ZNF460: variants seen among roughly 807,000 people sequenced by gnomAD.
The protein encoded by ZNF460 is zinc finger protein 272.
Under a neutral mutation model 8.4 loss-of-function variants are expected in ZNF460, and 1 was observed. The ratio of observed to expected loss-of-function variants is 0.12; its 90% confidence interval spans 0.04 to 0.56. ZNF460 has a LOEUF of 0.56. ZNF460 is among the 20% of genes least tolerant of loss of function. ZNF460 has a pLI of 0.91. For missense variants in ZNF460, 477 were observed against 714.8 expected, an observed-to-expected ratio of 0.67 and a Z score of 3.79; for synonymous variants, 262 against 259.9, an observed-to-expected ratio of 1.01 and a Z score of -0.08.
In ZNF460 at chr19:57,291,882, G is replaced by A. The variant is rs141075189; in HGVS notation, c.1341G>A (p.Pro447=). 95 of 1,613,662 alleles carry A rather than the reference G, an allele frequency of 5.9e-5. No homozygotes were observed. The highest frequency in any genetic ancestry group is 3.3e-4 in the Middle Eastern group (2 of 6,082). The change falls in exon 3 of 3, where the codon CCG becomes CCA. Residue 447 remains proline (P), a synonymous_variant. Coordinates refer to ENST00000360338, the MANE Select transcript of ZNF460 (RefSeq NM_006635.4). This position sits in a 1 kb window ranked among gnomAD's most constrained non-coding sequence, Gnocchi z 8.4. ...RHQWIHTGEK[P]YVCIQCGKAF... is the part of the protein sequence containing the mutation. ...AGTGGATTCATACTGGAGAGAAGCC[G>A]TATGTATGCATCCAATGTGGGAAAG...
rs752313169 is a variant in ZNF460 at position 57,291,510 on chromosome 19, C to A, written c.969C>A (p.Leu323=). The A allele has an allele frequency of 2.3e-5, 37 of 1,613,798 alleles. No homozygotes were observed. In the East Asian group the frequency reaches 8.2e-4, roughly 36 times the overall value. The change falls in exon 3 of 3, where the codon CTC becomes CTA. Residue 323 remains leucine, a synonymous_variant. Coordinates refer to ENST00000360338, the MANE Select transcript of ZNF460 (RefSeq NM_006635.4). The surrounding 1 kb of genome is among the most constrained non-coding windows in gnomAD (Gnocchi z 8.4). ...CGKGFYESTA[L]IQHFIIHTGE... Reference sequence around the variant, plus strand: ...AAGGCTTTTATGAGAGTACAGCCCTCATTCAACACTTCATTATCCATACTG... The same window carrying A: ...AAGGCTTTTATGAGAGTACAGCCCTAATTCAACACTTCATTATCCATACTG...
Position 57,290,878 on chromosome 19 carries a change from C to G in ZNF460, c.337C>G (p.Pro113Ala), listed in dbSNP as rs200064598. The change falls in exon 3 of 3, where the codon CCA becomes GCA. Residue 113 changes from proline to alanine, a missense_variant. Transcript: ENST00000360338. ...QEYFLRPGTD[P>A]QSEKLHGKMS... ...ATACTTTTTGAGACCAGGGACAGAC[C>G]CACAGAGTGAGAAACTCCATGGGAA... The G allele has an allele frequency of 6.2e-7, 1 of 1,614,078 alleles. No homozygotes were observed. Among genetic ancestry groups the G allele is most frequent in the Non-Finnish European group, 8.5e-7 (1 of 1,180,028 alleles).
At position 57,293,481 on chromosome 19, in the gene ZNF460, T is replaced by C. The variant is rs2087933948; in HGVS notation, c.*1251T>C. 1 of 152,228 alleles carries C rather than the reference T, an allele frequency of 6.6e-6. No individual in the cohort carries two copies. Among genetic ancestry groups the C allele is most frequent in the South Asian group, 2.1e-4 (1 of 4,834 alleles). 9.4% of individuals were successfully genotyped at this position (152,228 alleles called of 1,614,324 possible). A position where few individuals can be genotyped will look rare whatever the true frequency, so the allele number is the denominator to read the frequency against. ...TTTTGGAATTTCTCTTTTGGTATTC[T>C]TTTTGTTTCTTTTATTGTTTTTAAT... On this transcript the variant is annotated 3_prime_UTR_variant, in exon 3 of 3. Coordinates refer to ENST00000360338, the MANE Select transcript of ZNF460 (RefSeq NM_006635.4).
chr19:57,283,555 A>G (rs1262926508), intron 1 of ZNF460, among the ~76,000 whole-genome samples: 1 of 117,120 alleles, frequency 8.5e-6, no homozygotes, highest in Non-Finnish European at 1.6e-5. Flanking sequence ...GTTCTGGAGT[A>G]CAGTGACACA....
chr19:57,293,510 CAA>C lies in ZNF460; in HGVS notation c.*1281_*1282del, dbSNP rs1483558142. 1 of 152,038 alleles carries C rather than the reference CAA, an allele frequency of 6.6e-6. No individual in the cohort carries two copies. The highest frequency in any genetic ancestry group is 1.5e-5 in the Non-Finnish European group (1 of 68,014). The allele number at this position is 152,038 out of a possible 1,614,324, so 9.4% of individuals were successfully genotyped here. A position where few individuals can be genotyped will look rare whatever the true frequency, so the allele number is the denominator to read the frequency against. ...TGTTTCTTTTATTGTTTTTAATTGA[CAA>C]TGTTTATGGGGTTTGGTGTGATATT... On this transcript the variant is annotated 3_prime_UTR_variant, in exon 3 of 3. Coordinates refer to ENST00000360338, the MANE Select transcript of ZNF460 (RefSeq NM_006635.4).
chr19:57,287,611 C>T (rs1405408755), intron 2 of ZNF460, among the ~76,000 whole-genome samples: 1 of 152,192 alleles, frequency 6.6e-6, no homozygotes, highest in African/African-American at 2.4e-5. Flanking sequence ...GCATGAGCCA[C>T]ACTGTGTGGG....
At chr19:57,280,916 C>A in intron 1 of ZNF460, 80 bp downstream of exon 1, 1 of 1,582,764 alleles carries the variant, frequency 6.3e-7, no homozygotes, top group South Asian at 1.1e-5. Flanking sequence ...CCAAGACAGC[C>A]ACAGGATTTT....
chr19:57,287,635 A>G (rs971829803), intron 2 of ZNF460, among the ~76,000 whole-genome samples: 1 of 152,144 alleles, frequency 6.6e-6, no homozygotes, highest in Non-Finnish European at 1.5e-5. Context: ...GTTCAGCTTT[A>G]AAAGAAACTG....
intron 1 of ZNF460, among the ~76,000 whole-genome samples, chr19:57,282,328 T>C (rs771809575): frequency 6.6e-6 from 1 of 152,182 alleles, no homozygotes; most frequent in Non-Finnish European, 1.5e-5. Flanking sequence ...GGGCCCATAT[T>C]GTCTTGGCTA....
In ZNF460 at chr19:57,292,192, A is replaced by C. The variant is rs766115533; in HGVS notation, c.1651A>C (p.Ile551Leu). The C allele has an allele frequency of 1.1e-4, 181 of 1,613,832 alleles. No individual in the cohort carries two copies. Among genetic ancestry groups the C allele is most frequent in the Non-Finnish European group, 1.4e-4 (160 of 1,179,832 alleles). Residue 551 changes from isoleucine (I) to leucine (L), a missense_variant, in exon 3 of 3, where the codon ATC becomes CTC. Ile to Leu is a conservative substitution (Grantham distance 5, BLOSUM62 2). Transcript: ENST00000360338. ...TGCCGCTCATTCCTCCTCACTCGAC[A>C]TCAACGGATTCATAGTGGAAGAAAC... ...SIAAHSSSLD[I>L]NGFIVEETLP...
rs758964592 is a variant in ZNF460 at position 57,292,259 on chromosome 19, T to G, written c.*29T>G. ...ATGTGGAAAGACTTTTTACGTACAC[T>G]TCAGTCAACATCCAAGAATTCCTAT... On this transcript the variant is annotated 3_prime_UTR_variant, in exon 3 of 3. Transcript: ENST00000360338. 5.1e-6 allele frequency: 8 copies of G among 1,566,956 alleles called. No individual in the cohort carries two copies. In the East Asian group the frequency reaches 1.6e-4, roughly 31 times the overall value.
intron 2 of ZNF460, among the ~76,000 whole-genome samples, chr19:57,285,676 A>G (rs1220925810): frequency 6.6e-6 from 1 of 152,146 alleles, no homozygotes; most frequent in African/African-American, 2.4e-5. Flanking sequence ...GCAAACGTCT[A>G]TATGTGGCCA....
At position 57,283,502 on chromosome 19, in the gene ZNF460, CTTTTTTTTTTTT is replaced by C. The variant is rs926242067; in HGVS notation, c.31-1036_31-1025del. Reference sequence around the variant, plus strand: ...TTTTTCTTTAGTTCTTTTGACTATTCTTTTTTTTTTTTTTTTTTTTTTTTGAGACAGAGGCTC... The same window carrying C: ...TTTTTCTTTAGTTCTTTTGACTATTCTTTTTTTTTTTTGAGACAGAGGCTC... On this transcript the variant is annotated intron_variant, in intron 1 of 2. Coordinates refer to ENST00000360338, the MANE Select transcript of ZNF460 (RefSeq NM_006635.4). 9.8e-4 allele frequency among the ~76,000 whole-genome samples: 67 copies of C among 68,550 alleles called. 1 individual carries two copies. The South Asian group carries it at 0.04, about 41-fold the overall frequency. The allele number at this position is 68,550 out of a possible 152,430, so 45.0% of individuals were successfully genotyped here.
At chr19:57,282,487 C>A (rs2087847320) in intron 1 of ZNF460, among the ~76,000 whole-genome samples, 1 of 152,174 alleles carries the variant, frequency 6.6e-6, no homozygotes, top group African/African-American at 2.4e-5. Flanking sequence ...AACACCTGAT[C>A]AGGTGTCACC....
chr19:57,289,780 T>C (rs924412207), intron 2 of ZNF460, among the ~76,000 whole-genome samples: 7 of 151,896 alleles, frequency 4.6e-5, no homozygotes, highest in African/African-American at 1.7e-4. Flanking sequence ...GGTGGGCGGA[T>C]TACTTGAGCC....
chr19:57,287,252 A>G (rs977393349), intron 2 of ZNF460, among the ~76,000 whole-genome samples: 1 of 152,110 alleles, frequency 6.6e-6, no homozygotes, highest in African/African-American at 2.4e-5. Context: ...TTCATTCTCA[A>G]TATGTTGTAG....
rs1568500733 is a variant in ZNF460 at position 57,291,001 on chromosome 19, G to A, written c.460G>A (p.Asp154Asn). ...ACCAGAAGATGCTCTCTATGGATTT[G>A]ACTCATATGGACCAGTTACAGATTC... is the stretch of plus-strand genomic sequence containing the variant. ...VSPEDALYGF[D>N]SYGPVTDSLI... Residue 154 changes from aspartate to asparagine, a missense_variant, in exon 3 of 3, where the codon GAC becomes AAC. Asp to Asn is a conservative substitution (Grantham distance 23). Transcript: ENST00000360338. This position sits in a 1 kb window ranked among gnomAD's most constrained non-coding sequence, Gnocchi z 8.4. 6.2e-7 allele frequency: 1 copy of A among 1,614,172 alleles called. No individual in the cohort carries two copies. Among genetic ancestry groups the A allele is most frequent in the East Asian group, 2.2e-5 (1 of 44,886 alleles).
chr19:57,290,776 C>A lies in ZNF460; in HGVS notation c.235C>A (p.Gln79Lys), dbSNP rs755830118. 1.9e-6 allele frequency: 3 copies of A among 1,614,212 alleles called. No individual in the cohort carries two copies. In the South Asian group the frequency reaches 3.3e-5, roughly 18 times the overall value. ...GCCTGAGGAAGTCTCACTCCAGGAACAGCTGGCACAGGGAGTCCCAAGATA... is the reference window on the plus strand; with the variant it reads ...GCCTGAGGAAGTCTCACTCCAGGAAAAGCTGGCACAGGGAGTCCCAAGATA... ...ALPEEVSLQE[Q>K]LAQGVPRYSY... The change falls in exon 3 of 3, where the codon CAG becomes AAG. Residue 79 changes from glutamine to lysine, a missense_variant. Around this residue, in one of 5 missense-constraint regions of ZNF460, gnomAD observed 169 missense variants for 178.6 expected, o/e 0.95. Coordinates refer to ENST00000360338, the MANE Select transcript of ZNF460 (RefSeq NM_006635.4).
At chr19:57,289,508 TC>T (rs1216983110) in intron 2 of ZNF460, among the ~76,000 whole-genome samples, 1 of 152,150 alleles carries the variant, frequency 6.6e-6, no homozygotes, top group East Asian at 1.9e-4. Flanking sequence ...CTTGACCTCT[TC>T]CTGTCCCTGC....
Sources: gnomAD v4.1 joint callset for allele counts (sites outside exome capture counted in the v4.1 genomes callset) on GRCh38, gnomAD v4.1.1 for gene constraint, gnomAD v4.1.1 regional missense constraint, Gnocchi (gnomAD v3.1) non-coding constraint, MANE v1.5 for transcripts, NCBI Gene and HGNC (gene_info 2026-07-23, HGNC 2026-07-21) for gene names.